Variants in TBC1D28 observed in about 807,000 individuals in gnomAD.
TBC1D28 encodes the protein TBC1 domain family member 28.
Under a neutral mutation model 29.2 loss-of-function variants are expected in TBC1D28, and 20 were observed. The ratio of observed to expected loss-of-function variants is 0.68; its 90% confidence interval spans 0.48 to 0.99. The LOEUF is 0.99. Among genes scored for constraint, TBC1D28 ranks in the 50% least tolerant of loss-of-function variants. The pLI is 0.00. For missense variants in TBC1D28, 205 were observed against 243.7 expected, an observed-to-expected ratio of 0.84 and a Z score of 1.06; for synonymous variants, 65 against 90.9, an observed-to-expected ratio of 0.71 and a Z score of 1.62.
chr17:18,635,448 G>T (rs559570679), exon 9 of TBC1D28: 5 of 677,646 alleles, frequency 7.4e-6, no homozygotes, highest in Non-Finnish European at 9.1e-6. Flanking sequence ...CCCAACACCC[G>T]CAGGGCTGAC....
chr17:18,639,246 TGCCCAG>T, intron 4 of TBC1D28, 32 bp from the exon 6 acceptor site: 1 of 1,608,604 alleles, frequency 6.2e-7, no homozygotes, highest in Non-Finnish European at 8.5e-7. Flanking sequence ...GCTGAGGACC[TGCCCAG>T]GCCAGGAGCC....
intron 8 of TBC1D28, 116 bp downstream of exon 9, chr17:18,637,748 C>G: frequency 1.5e-6 from 2 of 1,334,810 alleles, no homozygotes; most frequent in Non-Finnish European, 2.1e-6. Context: ...GCCAGGAGAG[C>G]CCTTGGTGGC....
exon 6 of TBC1D28, chr17:18,638,677 T>C (rs2031626632): frequency 6.2e-7 from 1 of 1,614,096 alleles, no homozygotes; most frequent in Non-Finnish European, 8.5e-7. Flanking sequence ...CACTTGTTGG[T>C]ACGTTTACTT....
Position 18,641,356 on chromosome 17 carries a change from G to C in TBC1D28, c.-1-3C>G. The C allele has an allele frequency of 6.2e-7, 1 of 1,613,792 alleles. No individual in the cohort carries two copies. On this transcript the variant is annotated splice_polypyrimidine_tract_variant and splice_region_variant and intron_variant, in intron 2 of 8. Coordinates refer to ENST00000345096, the Ensembl canonical transcript of TBC1D28. ...CCGGGTCCTCATCCATCTCCATCCT[G>C]CAAGACAAAGTCATCCCAAGGCTCT...
upstream of TBC1D28, among the ~76,000 whole-genome samples, chr17:18,643,266 GC>G (rs562305676): frequency 2.1e-3 from 317 of 152,102 alleles, no homozygotes; most frequent in African/African-American, 7.2e-3. Flanking sequence ...ACTGTAAAAT[GC>G]TGGGTGTGAG....
intron 5 of TBC1D28, 70 bp downstream of exon 6, chr17:18,639,105 C>G (rs868678301): frequency 7.7e-7 from 1 of 1,300,660 alleles, no homozygotes; most frequent in Middle Eastern, 2.7e-4. Flanking sequence ...AGGCCACCCC[C>G]TCTGCCTTAC....
At chr17:18,644,231 C>T (rs1368196615), upstream of TBC1D28, 1 of 151,846 alleles carries the variant, frequency 6.6e-6, no homozygotes, top group African/African-American at 2.4e-5. Context: ...CTAGCCCTGC[C>T]CACCAGGTAA....
At chr17:18,638,518 A>G (rs920781733) in intron 6 of TBC1D28, 98 bp from the exon 8 acceptor site, 2 of 1,477,246 alleles carry the variant, frequency 1.4e-6, no homozygotes. Context: ...AGGATGGGGT[A>G]CCACCCACCC....
At chr17:18,644,066 T>A (rs567376841), upstream of TBC1D28, among the ~76,000 whole-genome samples, 1 of 152,138 alleles carries the variant, frequency 6.6e-6, no homozygotes, top group Admixed American at 6.5e-5. Flanking sequence ...CATCTGGGTC[T>A]CTTGGCCAGT....
intron 5 of TBC1D28, 29 bp downstream of exon 6, chr17:18,639,146 C>T: frequency 6.2e-7 from 1 of 1,605,124 alleles, no homozygotes; most frequent in Admixed American, 1.7e-5. Context: ...CCTGAAGCAG[C>T]CTCCCACGCA....
chr17:18,641,471 C>A, intron 2 of TBC1D28, 118 bp from the exon 4 acceptor site: 1 of 1,050,434 alleles, frequency 9.5e-7, no homozygotes, highest in Non-Finnish European at 1.4e-6. Flanking sequence ...TCCACTACCC[C>A]TCCCAGATGA....
chr17:18,643,483 G>A (rs1480795338), upstream of TBC1D28, among the ~76,000 whole-genome samples: 2 of 150,250 alleles, frequency 1.3e-5, no homozygotes, highest in African/African-American at 2.5e-5. Flanking sequence ...CCAGTGACCA[G>A]GCCTTCTGAC....
At chr17:18,636,516 G>A (rs1031818240) in exon 9 of TBC1D28, 4 of 1,613,878 alleles carry the variant, frequency 2.5e-6, no homozygotes, top group Non-Finnish European at 8.5e-7. Flanking sequence ...ATGGGCACAG[G>A]TACCAGGAAT....
At chr17:18,638,080 AG>A in intron 7 of TBC1D28, 107 bp from the exon 9 acceptor site, 2 of 1,570,192 alleles carry the variant, frequency 1.3e-6, no homozygotes, top group African/African-American at 1.4e-5. Flanking sequence ...GAAGGAAGGA[AG>A]GAAGGTTTCC....
At chr17:18,635,300 G>T in exon 9 of TBC1D28, 1 of 153,930 alleles carries the variant, frequency 6.5e-6, no homozygotes, top group Non-Finnish European at 1.4e-5. Flanking sequence ...GCCCGAGAGT[G>T]GGGGAAATGC....
At chr17:18,643,524 C>A (rs556067557), upstream of TBC1D28, among the ~76,000 whole-genome samples, 1 of 149,040 alleles carries the variant, frequency 6.7e-6, no homozygotes, top group African/African-American at 2.5e-5. Context: ...CCCTGATGAC[C>A]AGGCTCCAAC....
At chr17:18,640,464 G>A (rs550028893) in intron 4 of TBC1D28, among the ~76,000 whole-genome samples, 22 of 151,466 alleles carry the variant, frequency 1.5e-4, no homozygotes, top group African/African-American at 5.3e-4. Context: ...CACTCCCGGG[G>A]CCTTCAGTTG....
chr17:18,642,369 C>T (rs868808836), exon 1 of TBC1D28: 10 of 152,136 alleles, frequency 6.6e-5, no homozygotes, highest in African/African-American at 2.4e-4. Context: ...TTTCACCCTC[C>T]ACCCCACCCA....
chr17:18,634,791 C>CCCTCAGCCCCTCAGCCGCCTCAGCCT (rs2031399653), downstream of TBC1D28, among the ~76,000 whole-genome samples: 1 of 149,460 alleles, frequency 6.7e-6, no homozygotes, highest in Non-Finnish European at 1.5e-5. Context: ...GGCTGCCCGC[C>CCCTCAGCCCCTCAGCCGCCTCAGCCT]CCTCAGCCCC....
Sources: gnomAD v4.1 joint callset for allele counts (sites outside exome capture counted in the v4.1 genomes callset) on GRCh38, gnomAD v4.1.1 for gene constraint, MANE v1.5 for transcripts, NCBI Gene and HGNC (gene_info 2026-07-23, HGNC 2026-07-21) for gene names.